Variants in OR1C1 observed in about 807,000 individuals in gnomAD.
OR1C1 encodes the protein olfactory receptor 1C1.
For synonymous variants in OR1C1, 153 were observed against 154.6 expected (o/e 0.99, Z 0.08); for missense variants, 407 against 384.3 (o/e 1.06, Z -0.49).
chr1:247,757,630 A>G lies in OR1C1; in HGVS notation c.777T>C (p.Tyr259=). ...GCATATGGGGGGATGAAGGGCTGAA[A>G]TAGACGGCGATGGCTGTGCCGTAAA... The part of the protein sequence containing the change: ...VLFYGTAIAV[Y]FSPSSPHMPE... Residue 259 remains tyrosine (Y), a synonymous_variant, in exon 2 of 2, where the codon TAT becomes TAC. Transcript: ENST00000641256. 1 of 1,614,110 alleles carries G rather than the reference A, an allele frequency of 6.2e-7. No individual in the cohort carries two copies. Among genetic ancestry groups the G allele is most frequent in the Non-Finnish European group, 8.5e-7 (1 of 1,180,012 alleles).
chr1:247,756,289 C>T lies in OR1C1; in HGVS notation c.*1173G>A, dbSNP rs1044629105. Reference sequence around the variant, plus strand: ...TATTTGGTATTATAAATTAGGTATACATGTTAGAAGAGCTAAAATATCTAT... The same window carrying T: ...TATTTGGTATTATAAATTAGGTATATATGTTAGAAGAGCTAAAATATCTAT... On this transcript the variant is annotated 3_prime_UTR_variant, in exon 2 of 2. Coordinates refer to ENST00000641256, the MANE Select transcript of OR1C1 (RefSeq NM_012353.3). The surrounding 1 kb of genome is among the most constrained non-coding windows in gnomAD (Gnocchi z 4.3). The T allele has an allele frequency of 4.6e-5, 7 of 152,034 alleles. No individual in the cohort carries two copies. The highest frequency in any genetic ancestry group is 1.7e-4 in the African/African-American group (7 of 41,402). The allele number at this position is 152,034 out of a possible 1,614,324, so 9.4% of individuals were successfully genotyped here. A position where few individuals can be genotyped will look rare whatever the true frequency, so the allele number is the denominator to read the frequency against.
intron 1 of OR1C1, 99 bp from the exon 2 acceptor site, chr1:247,758,518 G>T: frequency 1.5e-6 from 1 of 649,882 alleles, no homozygotes; most frequent in South Asian, 1.9e-5. Flanking sequence ...GTGTGTGTGT[G>T]CATGCGTGCG....
Position 247,758,353 on chromosome 1 carries a change from A to G in OR1C1, c.54T>C (p.Pro18=). ...VVREFVLLGL[P]SSAEQQHLLS... is the part of the protein sequence containing the mutation. ...GGAGGTGCTGCTGCTCTGCTGAGCT[A>G]GGAAGTCCCAGAAGGACGAATTCCC... is the stretch of plus-strand genomic sequence containing the variant. The change falls in exon 2 of 2, where the codon CCT becomes CCC. Residue 18 remains proline, a synonymous_variant. Coordinates refer to ENST00000641256, the MANE Select transcript of OR1C1 (RefSeq NM_012353.3). 2.5e-6 allele frequency: 4 copies of G among 1,613,802 alleles called. No individual in the cohort carries two copies. Among genetic ancestry groups the G allele is most frequent in the South Asian group, 1.1e-5 (1 of 91,046 alleles).
rs1430575805 is a variant in OR1C1, at chr1:247,755,545, C to T, written c.*1917G>A. The T allele has an allele frequency of 6.6e-6, 1 of 152,016 alleles. No individual in the cohort carries two copies. The highest frequency in any genetic ancestry group is 1.5e-5 in the Non-Finnish European group (1 of 67,980). The allele number at this position is 152,016 out of a possible 1,614,324, so 9.4% of individuals were successfully genotyped here. A position where few individuals can be genotyped will look rare whatever the true frequency, so the allele number is the denominator to read the frequency against. ...CACAAGAAGACATTCAAATTGCCAACAGATATGAAAAAATGCTCAAAATCG... is the reference window on the plus strand; with the variant it reads ...CACAAGAAGACATTCAAATTGCCAATAGATATGAAAAAATGCTCAAAATCG... On this transcript the variant is annotated 3_prime_UTR_variant, in exon 2 of 2. Transcript: ENST00000641256.
Position 247,757,340 on chromosome 1 carries a change from C to G in OR1C1, c.*122G>C, listed in dbSNP as rs139694907. ...GATAATTCATATAAAGTGCTTAACA[C>G]GATTTCCAGCATAAGGGAGACATTT... is the stretch of plus-strand genomic sequence containing the variant. On this transcript the variant is annotated 3_prime_UTR_variant, in exon 2 of 2. Transcript: ENST00000641256. 5.6e-6 allele frequency: 4 copies of G among 714,562 alleles called. No individual in the cohort carries two copies. The highest frequency in any genetic ancestry group is 9.4e-6 in the Non-Finnish European group (4 of 423,530). The allele number at this position is 714,562 out of a possible 1,614,324, so 44.3% of individuals were successfully genotyped here.
rs563143111 is a variant in OR1C1 at position 247,758,033 on chromosome 1, G to A, written c.374C>T (p.Ala125Val). 4.2e-5 allele frequency: 67 copies of A among 1,614,058 alleles called. No homozygotes were observed. In the South Asian group the frequency reaches 4.5e-4, roughly 11 times the overall value. Residue 125 changes from alanine (A) to valine (V), a missense_variant, in exon 2 of 2, where the codon GCG becomes GTG. Coordinates refer to ENST00000641256, the MANE Select transcript of OR1C1 (RefSeq NM_012353.3). ...GGTGTAATGTAAGGGGTGGCAAATC[G>A]CCACATATCTATCATACGCCATCAC... ...LCVMAYDRYV[A>V]ICHPLHYTAR...
rs991497337 is a variant in OR1C1, at chr1:247,754,973, G to A, written c.*2489C>T. 2 of 152,078 alleles carry A rather than the reference G, an allele frequency of 1.3e-5. No homozygotes were observed. Among genetic ancestry groups the A allele is most frequent in the African/African-American group, 2.4e-5 (1 of 41,428 alleles). The allele number at this position is 152,078 out of a possible 1,614,324, so 9.4% of individuals were successfully genotyped here. On this transcript the variant is annotated 3_prime_UTR_variant, in exon 2 of 2. Transcript: ENST00000641256. ...AGATACAGTAATCAAAAATGGCATG[G>A]TACTGGCATAAAAATAGACACATAG...
In OR1C1 at chr1:247,757,235, CTATT is replaced by C. The variant is rs1419946461; in HGVS notation, c.*223_*226del. ...TTATCAGCTATGGGTTGTATGCAGA[CTATT>C]TAACTTCCCTAAGATTCACTTTCTG... On this transcript the variant is annotated 3_prime_UTR_variant, in exon 2 of 2. Transcript: ENST00000641256. 8 of 492,262 alleles carry C rather than the reference CTATT, an allele frequency of 1.6e-5. No individual in the cohort carries two copies. The highest frequency in any genetic ancestry group is 3.4e-5 in the Admixed American group (1 of 29,434). The allele number at this position is 492,262 out of a possible 1,614,324, so 30.5% of individuals were successfully genotyped here.
Position 247,757,892 on chromosome 1 carries a change from T to C in OR1C1, c.515A>G (p.Asn172Ser), listed in dbSNP as rs372503965. ...ATCACAGAAGAAATGATGGATGATA[T>C]TGGAGGCACAGAAGGACAGCTGTGC... ...LIAQLSFCAS[N>S]IIHHFFCDLN... Residue 172 changes from asparagine (N) to serine (S), a missense_variant, in exon 2 of 2, where the codon AAT becomes AGT. Asn to Ser is a conservative substitution (Grantham distance 46). Transcript: ENST00000641256. 12 of 1,613,774 alleles carry C rather than the reference T, an allele frequency of 7.4e-6. No individual in the cohort carries two copies. In the East Asian group the frequency reaches 1.6e-4, roughly 21 times the overall value.
In OR1C1 at chr1:247,756,772, C is replaced by A. The variant is rs185533857; in HGVS notation, c.*690G>T. On this transcript the variant is annotated 3_prime_UTR_variant, in exon 2 of 2. Transcript: ENST00000641256. The surrounding 1 kb of genome is among the most constrained non-coding windows in gnomAD (Gnocchi z 4.3). ...CCCATATGAAAAATGCAGCTGAGAA[C>A]CTGATCTCTTCTCTAAAGATATTGT... 37 of 152,198 alleles carry A rather than the reference C, an allele frequency of 2.4e-4. No individual in the cohort carries two copies. In the East Asian group the frequency reaches 6.8e-3, roughly 28 times the overall value. The allele number at this position is 152,198 out of a possible 1,614,324, so 9.4% of individuals were successfully genotyped here. A position where few individuals can be genotyped will look rare whatever the true frequency, so the allele number is the denominator to read the frequency against.
Position 247,757,728 on chromosome 1 carries a change from T to C in OR1C1, c.679A>G (p.Lys227Glu). The C allele has an allele frequency of 1.9e-6, 3 of 1,613,904 alleles. No individual in the cohort carries two copies. The highest frequency in any genetic ancestry group is 2.5e-6 in the Non-Finnish European group (3 of 1,179,974). The change falls in exon 2 of 2, where the codon AAG (lysine) becomes GAG (glutamate). Residue 227 changes from lysine (K) to glutamate (E), a missense_variant. By Grantham distance (56) the Lys-to-Glu change is moderately conservative. Transcript: ENST00000641256. ...SYGLIFSTVL[K>E]ITSTQGKQRA... ...TGCTTGCCCTGAGTAGAGGTGATCT[T>C]CAGAACAGTGGAGAAGATAAGTCCA...
intron 1 of OR1C1, 42 bp from the exon 2 acceptor site, chr1:247,758,461 A>AAGTCTCTT: frequency 9.9e-7 from 1 of 1,013,060 alleles, no homozygotes; most frequent in South Asian, 1.5e-5. Flanking sequence ...CAGCAGTGTT[A>AAGTCTCTT]AGTCTCTTAT....
At chr1:247,759,193 A>C (rs1461408591) in intron 1 of OR1C1, among the ~76,000 whole-genome samples, 2 of 152,194 alleles carry the variant, frequency 1.3e-5, no homozygotes, top group Non-Finnish European at 2.9e-5. Context: ...GTATCAATCC[A>C]ATTTATACCT....
chr1:247,759,126 T>C (rs1002260751), intron 1 of OR1C1, among the ~76,000 whole-genome samples: 4 of 152,200 alleles, frequency 2.6e-5, no homozygotes, highest in Admixed American at 1.3e-4. Context: ...TCAACATTTT[T>C]CATAGAGTGT....
rs376431749 is a variant in OR1C1, at chr1:247,757,708, G to A, written c.699C>T (p.Gly233=). The A allele has an allele frequency of 4.5e-5, 72 of 1,613,998 alleles. No individual in the cohort carries two copies. The highest frequency in any genetic ancestry group is 5.7e-5 in the Non-Finnish European group (67 of 1,179,936). The stretch of plus-strand genomic sequence containing the variant: ...TGCAGGTGGAAACAGCTCTCTGCTT[G>A]CCCTGAGTAGAGGTGATCTTCAGAA... ...STVLKITSTQ[G]KQRAVSTCSC... is the part of the protein sequence containing the mutation. Residue 233 remains glycine (G), a synonymous_variant, in exon 2 of 2, where the codon GGC becomes GGT. Transcript: ENST00000641256.
chr1:247,758,596 T>A (rs1661277131), intron 1 of OR1C1, 177 bp from the exon 2 acceptor site: 1 of 552,906 alleles, frequency 1.8e-6, no homozygotes. Context: ...CATGATATTC[T>A]GTCTTCATAG....
rs1341795413 is a variant in OR1C1, at chr1:247,758,015, T to A, written c.392A>T (p.His131Leu). ...GCACAGGTTCATTCTGGCGGTGTAA[T>A]GTAAGGGGTGGCAAATCGCCACATA... ...DRYVAICHPL[H>L]YTARMNLCLC... Residue 131 changes from histidine (H) to leucine (L), a missense_variant, in exon 2 of 2, where the codon CAT becomes CTT. His to Leu is a moderately conservative substitution (Grantham distance 99, BLOSUM62 -3). Coordinates refer to ENST00000641256, the MANE Select transcript of OR1C1 (RefSeq NM_012353.3). 1.2e-6 allele frequency: 2 copies of A among 1,613,870 alleles called. No homozygotes were observed. Among genetic ancestry groups the A allele is most frequent in the African/African-American group, 2.7e-5 (2 of 74,864 alleles).
At chr1:247,758,984 T>C (rs1219853427) in intron 1 of OR1C1, among the ~76,000 whole-genome samples, 1 of 136,508 alleles carries the variant, frequency 7.3e-6, no homozygotes, top group Non-Finnish European at 1.6e-5. Flanking sequence ...GCTCATCATT[T>C]GGTGGAGCCT....
At chr1:247,758,602 CAT>C in intron 1 of OR1C1, 183 bp from the exon 2 acceptor site, 2 of 539,376 alleles carry the variant, frequency 3.7e-6, no homozygotes, top group Non-Finnish European at 6.6e-6. Flanking sequence ...ATTCTGTCTT[CAT>C]AGTCACATAG....
Sources: gnomAD v4.1 joint callset for allele counts (sites outside exome capture counted in the v4.1 genomes callset) on GRCh38, gnomAD v4.1.1 for gene constraint, Gnocchi (gnomAD v3.1) non-coding constraint, MANE v1.5 for transcripts, NCBI Gene and HGNC (gene_info 2026-07-23, HGNC 2026-07-21) for gene names.